Variants in SHOC1 observed in about 807,000 individuals in gnomAD.
SHOC1 encodes shortage in chiasmata 1.
A neutral mutation model predicts 179.2 loss-of-function variants in SHOC1; 136 were observed. The observed-to-expected ratio is 0.76, with a 90% CI of 0.66 to 0.87. The LOEUF (loss-of-function observed/expected upper bound fraction) is 0.87, where lower values mean the gene tolerates loss of function less well. Ranked by LOEUF, SHOC1 falls within the 40% of genes least tolerant of loss-of-function variation. The probability of loss-of-function intolerance (pLI) is 0.00; values close to 1 mark genes in which losing one functional copy is unlikely to be tolerated. For synonymous variants in SHOC1, 489 were observed against 586.6 expected, an observed-to-expected ratio of 0.83 and a Z score of 2.41; for missense variants, 1,538 against 1,700.8, an observed-to-expected ratio of 0.90 and a Z score of 1.68.
At chr9:111,713,211 T>G in intron 17 of SHOC1, 39 bp from the exon 18 acceptor site, 1 of 1,130,092 alleles carries the variant, frequency 8.8e-7, no homozygotes, top group Non-Finnish European at 1.3e-6. Flanking sequence ...TGTGGATGAT[T>G]ATTCTTTTTC....
rs894765190 is a variant in SHOC1 at position 111,741,414 on chromosome 9, C to G, written c.1174+62G>C. The G allele has an allele frequency of 2.2e-5, 20 of 921,436 alleles. No individual in the cohort carries two copies. The African/African-American group carries it at 3.2e-4, about 15-fold the overall frequency. 57.1% of individuals were successfully genotyped at this position (921,436 alleles called of 1,614,324 possible). ...CAAAGAAAAAGGATATCCCACATTT[C>G]TACTCGTTGTACCTTTTTACCTATA... On this transcript the variant is annotated intron_variant, in intron 11 of 27. Coordinates refer to ENST00000682961, the MANE Select transcript of SHOC1 (RefSeq NM_001378211.1).
chr9:111,694,066 G>A (rs1831576869), intron 25 of SHOC1, 118 bp from the exon 26 acceptor site: 2 of 1,094,486 alleles, frequency 1.8e-6, no homozygotes, highest in South Asian at 1.6e-5. Flanking sequence ...TCTTTCGAAA[G>A]TGATCCATTT....
At chr9:111,693,694 C>A (rs1056318202) in intron 26 of SHOC1, 105 bp downstream of exon 26, 28 of 679,396 alleles carry the variant, frequency 4.1e-5, no homozygotes, top group Non-Finnish European at 5.7e-5. Context: ...AAGTCCAAAA[C>A]AATTAAACTT....
intron 2 of SHOC1, among the ~76,000 whole-genome samples, chr9:111,790,842 A>T (rs1339033176): frequency 1.3e-5 from 2 of 152,202 alleles, no homozygotes; most frequent in East Asian, 3.8e-4. Context: ...CACCGTGCCC[A>T]GCCAAAAGTG....
At chr9:111,691,454 G>A (rs1564100280) in intron 27 of SHOC1, 97 bp downstream of exon 27, 8 of 1,138,204 alleles carry the variant, frequency 7.0e-6, no homozygotes, top group South Asian at 1.7e-5. Context: ...TTTTTTAAAT[G>A]TAGTAATTAA....
chr9:111,736,339 A>G (rs1475091915), intron 12 of SHOC1, among the ~76,000 whole-genome samples: 2 of 152,322 alleles, frequency 1.3e-5, no homozygotes, highest in South Asian at 2.1e-4. Context: ...GGTAACCAAA[A>G]TGCCAAGGTA....
At position 111,775,987 on chromosome 9, in the gene SHOC1, TA is replaced by T. The variant is rs1328192468; in HGVS notation, c.258-13del. 1 of 1,599,172 alleles carries T rather than the reference TA, an allele frequency of 6.3e-7. No individual in the cohort carries two copies. Among genetic ancestry groups the T allele is most frequent in the African/African-American group, 1.3e-5 (1 of 74,594 alleles). On this transcript the variant is annotated splice_polypyrimidine_tract_variant and intron_variant, in intron 4 of 27. Coordinates refer to ENST00000682961, the MANE Select transcript of SHOC1 (RefSeq NM_001378211.1). ...TTGTAATTGTTTTTCTGTGACAATA[TA>T]AAATTACTAATGTTATGTATGTCCT... is the stretch of plus-strand genomic sequence containing the variant.
Position 111,692,135 on chromosome 9 carries a change from T to TGGCCGGGCGCGGTGGCTC in SHOC1, c.3841_3842insGAGCCACCGCGCCCGGCC (p.Tyr1281delinsTer). ...ATCACTGTGGTTTAGAAAGGAGTTATAAGCCGGTCTCCTTGATTCTATATT... is the reference window on the plus strand; with the variant it reads ...ATCACTGTGGTTTAGAAAGGAGTTATGGCCGGGCGCGGTGGCTCAAGCCGGTCTCCTTGATTCTATATT... On this transcript the variant is annotated stop_gained, in exon 27 of 28. Transcript: ENST00000682961. LOFTEE classifies it high-confidence loss of function. 1 of 1,613,852 alleles carries TGGCCGGGCGCGGTGGCTC rather than the reference T, an allele frequency of 6.2e-7. No individual in the cohort carries two copies. The highest frequency in any genetic ancestry group is 1.7e-5 in the Admixed American group (1 of 59,996).
At chr9:111,735,771 C>T (rs1833787318) in intron 12 of SHOC1, among the ~76,000 whole-genome samples, 1 of 152,184 alleles carries the variant, frequency 6.6e-6, no homozygotes, top group Non-Finnish European at 1.5e-5. Context: ...CACTGTCTTC[C>T]ACAACAGTTG....
At chr9:111,794,649 G>T (rs934214569) in intron 1 of SHOC1, among the ~76,000 whole-genome samples, 1 of 152,066 alleles carries the variant, frequency 6.6e-6, no homozygotes, top group African/African-American at 2.4e-5. Context: ...TTATTGTTTA[G>T]CCCATACAAC....
chr9:111,689,633 A>C (rs1164170965), intron 27 of SHOC1, among the ~76,000 whole-genome samples: 1 of 150,018 alleles, frequency 6.7e-6, no homozygotes, highest in Non-Finnish European at 1.5e-5. Flanking sequence ...AAAATTTGCC[A>C]TATTGAATGT....
In SHOC1 at chr9:111,738,277, T is replaced by C. The variant is rs778630074; in HGVS notation, c.1417+3A>G. On this transcript the variant is annotated splice_donor_region_variant and intron_variant, in intron 12 of 27. Transcript: ENST00000682961. ...TAACTAATATTTACTGTGATGTACT[T>C]ACATTCTAATTGAAGCACTTTCGTA... The C allele has an allele frequency of 2.5e-6, 4 of 1,603,940 alleles. No homozygotes were observed. In the African/African-American group the frequency reaches 5.4e-5, roughly 21 times the overall value.
chr9:111,750,503 T>G (rs1021928085), intron 8 of SHOC1, among the ~76,000 whole-genome samples: 1 of 152,102 alleles, frequency 6.6e-6, no homozygotes, highest in African/African-American at 2.4e-5. Context: ...CCTGGCTAAT[T>G]TTTGTATTTT....
At chr9:111,693,775 T>C in intron 26 of SHOC1, 24 bp downstream of exon 26, 1 of 1,530,248 alleles carries the variant, frequency 6.5e-7, no homozygotes, top group Non-Finnish European at 8.9e-7. Context: ...ATTCATATCA[T>C]AGTACAGATC....
chr9:111,790,779 C>T (rs1296162396), intron 2 of SHOC1, among the ~76,000 whole-genome samples: 1 of 152,166 alleles, frequency 6.6e-6, no homozygotes, highest in Non-Finnish European at 1.5e-5. Flanking sequence ...AACTCTTGAC[C>T]TCATGATCCA....
intron 10 of SHOC1, among the ~76,000 whole-genome samples, chr9:111,744,840 C>T (rs945850): frequency 0.79 from 119,948 of 152,112 alleles, 47,476 homozygotes; most frequent in East Asian, 0.92. Context: ...AAACATTAAG[C>T]TACATGTGTG....
rs879616152 is a variant in SHOC1, at chr9:111,737,698, C to CA, written c.1417+581_1417+582insT. 2.0e-3 allele frequency among the ~76,000 whole-genome samples: 294 copies of CA among 144,466 alleles called. 2 individuals are homozygous for CA. The highest frequency in any genetic ancestry group is 0.014 in the South Asian group (63 of 4,606). The allele number at this position is 144,466 out of a possible 152,430, so 94.8% of individuals were successfully genotyped here. On this transcript the variant is annotated intron_variant, in intron 12 of 27. Transcript: ENST00000682961. ...AAACAATAAAAACAAACCCCCCCCC[C>CA]CACACACAAAATATATAATTCATGC... is the stretch of plus-strand genomic sequence containing the variant.
intron 15 of SHOC1, among the ~76,000 whole-genome samples, chr9:111,721,665 C>T (rs936390581): frequency 6.6e-6 from 1 of 152,196 alleles, no homozygotes; most frequent in African/African-American, 2.4e-5. Flanking sequence ...TTTGATCAAT[C>T]ATCTGCTGAA....
chr9:111,690,350 C>A (rs1278267432), intron 27 of SHOC1, among the ~76,000 whole-genome samples: 6 of 151,962 alleles, frequency 3.9e-5, no homozygotes, highest in Non-Finnish European at 7.4e-5. Context: ...CGGTTGAGCC[C>A]GAAAGGTGGG....
Sources: gnomAD v4.1 joint callset for allele counts (sites outside exome capture counted in the v4.1 genomes callset) on GRCh38, gnomAD v4.1.1 for gene constraint, MANE v1.5 for transcripts, NCBI Gene and HGNC (gene_info 2026-07-23, HGNC 2026-07-21) for gene names.